Variants in RBMS3 observed in about 807,000 individuals in gnomAD.
The protein encoded by RBMS3 is RNA binding motif single stranded interacting protein 3, also known as RNA-binding motif, single-stranded-interacting protein 3.
RBMS3 carries 27 observed loss-of-function variants against 66.8 expected under a neutral mutation model. The ratio of observed to expected loss-of-function variants is 0.40; its 90% CI spans 0.30 to 0.56. The LOEUF (loss-of-function observed/expected upper bound fraction) is 0.56, where lower values mean the gene tolerates loss of function less well. Among genes scored for constraint, RBMS3 ranks in the 20% least tolerant of loss-of-function variants. The probability of loss-of-function intolerance (pLI) is 0.40; values close to 1 mark genes in which losing one functional copy is unlikely to be tolerated. For synonymous variants in RBMS3, 188 were observed against 183.0 expected (o/e 1.03, Z -0.22); for missense variants, 513 against 549.5 (o/e 0.93, Z 0.66).
At chr3:29,424,636 A>G (rs934569089) in intron 1 of RBMS3, among the ~76,000 whole-genome samples, 2 of 152,228 alleles carry the variant, frequency 1.3e-5, no homozygotes, top group African/African-American at 4.8e-5. Context: ...TCAGAAAAGC[A>G]AAGTTCCCAT....
At chr3:29,865,283 C>G (rs553391783) in intron 6 of RBMS3, among the ~76,000 whole-genome samples, 156 of 152,252 alleles carry the variant, frequency 1.0e-3, no homozygotes, top group African/African-American at 3.6e-3. Flanking sequence ...AGAAGTCATA[C>G]TCTAGACTAT....
intron 4 of RBMS3, among the ~76,000 whole-genome samples, chr3:29,658,024 A>T (rs906462140): frequency 2.0e-5 from 3 of 152,212 alleles, no homozygotes; most frequent in Non-Finnish European, 4.4e-5. Flanking sequence ...GTAGTGTTTA[A>T]GAGTTCTATA....
chr3:29,882,921 GT>G (rs1002698758), intron 7 of RBMS3, among the ~76,000 whole-genome samples: 1 of 151,920 alleles, frequency 6.6e-6, no homozygotes, highest in Non-Finnish European at 1.5e-5. Flanking sequence ...CTCACAGGAA[GT>G]TACAAAATAA....
At chr3:29,854,269 T>A (rs1201956293) in intron 6 of RBMS3, among the ~76,000 whole-genome samples, 1 of 152,236 alleles carries the variant, frequency 6.6e-6, no homozygotes, top group East Asian at 1.9e-4. Flanking sequence ...TTTCCGGGCC[T>A]GTCCCCGATG....
At chr3:29,774,378 C>T (rs1479679013) in intron 6 of RBMS3, among the ~76,000 whole-genome samples, 2 of 151,826 alleles carry the variant, frequency 1.3e-5, no homozygotes, top group Non-Finnish European at 2.9e-5. Context: ...AATCACCGGC[C>T]GATTATCACT....
At chr3:29,450,557 A>G (rs1169916979) in intron 2 of RBMS3, among the ~76,000 whole-genome samples, 2 of 152,154 alleles carry the variant, frequency 1.3e-5, no homozygotes, top group East Asian at 1.9e-4. Context: ...GGTTTCACCT[A>G]AATTCAAAAT....
At chr3:29,619,584 G>T (rs896716051) in intron 4 of RBMS3, among the ~76,000 whole-genome samples, 1 of 152,114 alleles carries the variant, frequency 6.6e-6, no homozygotes, top group African/African-American at 2.4e-5. Context: ...GCTGAACTTG[G>T]AATAATCTCT....
At chr3:29,492,724 GA>G (rs1273587318) in intron 3 of RBMS3, among the ~76,000 whole-genome samples, 5 of 150,792 alleles carry the variant, frequency 3.3e-5, no homozygotes, top group South Asian at 2.1e-4. Context: ...GGATATGGGA[GA>G]AAAAAAAAGA....
chr3:29,906,933 T>C lies in RBMS3; in HGVS notation c.939+7178T>C, dbSNP rs991167176. On this transcript the variant is annotated intron_variant, in intron 10 of 14. Transcript: ENST00000383767. ...TGACATCACACAATATGTGCTATTT[T>C]CAGTGAATATTTTCCATTTTTCCCA... Among the ~76,000 whole-genome samples the C allele has an allele frequency of 5.9e-5, 9 of 152,154 alleles. 1 individual carries two copies. The highest frequency in any genetic ancestry group is 1.9e-4 in the African/African-American group (8 of 41,446).
intron 4 of RBMS3, among the ~76,000 whole-genome samples, chr3:29,680,727 A>G (rs73831631): frequency 0.11 from 17,392 of 152,044 alleles, 2,157 homozygotes; most frequent in African/African-American, 0.31. Context: ...TATGCCCGTC[A>G]CTCTTTCATT....
intron 1 of RBMS3, among the ~76,000 whole-genome samples, chr3:29,302,534 T>A (rs2033750289): frequency 6.6e-6 from 1 of 152,050 alleles, no homozygotes; most frequent in Admixed American, 6.6e-5. Flanking sequence ...AATATATATG[T>A]ATAGTTTGTC....
chr3:29,931,300 A>G (rs1397840242), intron 10 of RBMS3, among the ~76,000 whole-genome samples: 1 of 152,216 alleles, frequency 6.6e-6, no homozygotes, highest in Non-Finnish European at 1.5e-5. Flanking sequence ...GAAAGAAACA[A>G]GTAGACAATA....
At chr3:29,851,401 C>T (rs1328585965) in intron 6 of RBMS3, among the ~76,000 whole-genome samples, 2 of 152,122 alleles carry the variant, frequency 1.3e-5, no homozygotes, top group Non-Finnish European at 1.5e-5. Context: ...TATGGAATAT[C>T]AAGACCCGGG....
At chr3:29,524,452 G>A (rs1161667602) in intron 3 of RBMS3, among the ~76,000 whole-genome samples, 1 of 110,974 alleles carries the variant, frequency 9.0e-6, no homozygotes, top group African/African-American at 3.3e-5. Context: ...TTTGGAGACG[G>A]AGTTTTGCTC....
At chr3:29,565,300 T>C (rs2046702613) in intron 3 of RBMS3, among the ~76,000 whole-genome samples, 1 of 152,184 alleles carries the variant, frequency 6.6e-6, no homozygotes, top group Admixed American at 6.5e-5. Flanking sequence ...GTGTTATAAA[T>C]GCACCATAAA....
At chr3:29,963,255 A>G (rs1201109175) in intron 12 of RBMS3, among the ~76,000 whole-genome samples, 2 of 152,152 alleles carry the variant, frequency 1.3e-5, no homozygotes, top group Non-Finnish European at 2.9e-5. Context: ...TAAAATCACC[A>G]TGTGAGCATT....
intron 10 of RBMS3, among the ~76,000 whole-genome samples, chr3:29,907,051 G>A (rs2060397951): frequency 6.6e-6 from 1 of 152,098 alleles, no homozygotes; most frequent in East Asian, 1.9e-4. Context: ...AGCAATCAGT[G>A]ACCACATATT....
intron 4 of RBMS3, among the ~76,000 whole-genome samples, chr3:29,598,638 T>A (rs991855519): frequency 2.0e-5 from 3 of 152,064 alleles, no homozygotes; most frequent in Non-Finnish European, 4.4e-5. Context: ...GCATCTGATA[T>A]TGCATTCATT....
At chr3:29,779,156 T>A (rs907799211) in intron 6 of RBMS3, among the ~76,000 whole-genome samples, 3 of 151,868 alleles carry the variant, frequency 2.0e-5, no homozygotes, top group Non-Finnish European at 4.4e-5. Context: ...GTTTTAACAC[T>A]GATTTTTAAT....
Sources: gnomAD v4.1 joint callset for allele counts (sites outside exome capture counted in the v4.1 genomes callset) on GRCh38, gnomAD v4.1.1 for gene constraint, MANE v1.5 for transcripts, NCBI Gene and HGNC (gene_info 2026-07-23, HGNC 2026-07-21) for gene names.